MS4A6A: variants seen among roughly 807,000 people sequenced by gnomAD.
MS4A6A encodes the protein membrane-spanning 4-domains subfamily A member 6A.
In MS4A6A, 19 loss-of-function variants were observed where a neutral mutation model predicts 20.6. That is an observed-to-expected ratio of 0.92 (90% CI 0.64 to 1.36). The LOEUF is 1.36. Among genes scored for constraint, MS4A6A ranks in the 40% most tolerant of loss-of-function variants. MS4A6A has a pLI of 0.00. For synonymous variants in MS4A6A, 108 were observed against 105.0 expected (o/e 1.03, Z -0.17); for missense variants, 272 against 261.1 (o/e 1.04, Z -0.29).
downstream of MS4A6A, chr11:60,172,291 A>T (rs775617983): frequency 6.8e-5 from 110 of 1,606,110 alleles, no homozygotes; most frequent in Non-Finnish European, 8.7e-5. Flanking sequence ...TCAGACTTCA[A>T]TCAGGTTCAA....
intron 4 of MS4A6A, 146 bp downstream of exon 4, chr11:60,178,114 T>A: frequency 1.4e-6 from 1 of 713,128 alleles, no homozygotes; most frequent in South Asian, 1.6e-5. Flanking sequence ...ATACAGAGGA[T>A]CCAGGCCCAG....
At chr11:60,184,371 G>T (rs975149915), upstream of MS4A6A, 1 of 152,218 alleles carries the variant, frequency 6.6e-6, no homozygotes, top group Non-Finnish European at 1.5e-5. Context: ...TGTGTTTCCA[G>T]TGGGTGCCCT....
Position 60,179,794 on chromosome 11 carries a change from T to A in MS4A6A, c.282+37A>T, listed in dbSNP as rs756638678. The A allele has an allele frequency of 3.5e-5, 56 of 1,613,426 alleles. No individual in the cohort carries two copies. In the African/African-American group the frequency reaches 6.9e-4, roughly 20 times the overall value. ...AAGCTATTGGCATCTTCCTCCCCTC[T>A]TTGCCCCATCCTGCCCTCCTCAGAA... On this transcript the variant is annotated intron_variant, in intron 3 of 5. Coordinates refer to ENST00000528851, the MANE Select transcript of MS4A6A (RefSeq NM_022349.4).
At chr11:60,178,942 C>G in intron 3 of MS4A6A, 1 of 358,692 alleles carries the variant, frequency 2.8e-6, no homozygotes, top group Non-Finnish European at 5.3e-6. Context: ...AAATCTTAGA[C>G]AGCCTAGAGG....
chr11:60,173,215 A>C (rs1290922726), intron 5 of MS4A6A, 86 bp from the exon 6 acceptor site: 1 of 1,111,154 alleles, frequency 9.0e-7, no homozygotes, highest in Non-Finnish European at 1.4e-6. Flanking sequence ...AGAGATGAAG[A>C]CCACCTCAAC....
intron 1 of MS4A6A, chr11:60,182,467 A>G (rs980932024): frequency 6.6e-6 from 1 of 152,224 alleles, no homozygotes; most frequent in Non-Finnish European, 1.5e-5. Context: ...ATAAATCTCT[A>G]GATCATTCTA....
intron 5 of MS4A6A, among the ~76,000 whole-genome samples, chr11:60,173,812 CA>C (rs1474034333): frequency 6.6e-6 from 1 of 152,024 alleles, no homozygotes; most frequent in African/African-American, 2.4e-5. Flanking sequence ...TAATCACCAA[CA>C]CCAACTCACA....
upstream of MS4A6A, chr11:60,184,000 C>CA (rs1229677105): frequency 1.6e-4 from 24 of 152,350 alleles, no homozygotes; most frequent in African/African-American, 5.1e-4. Flanking sequence ...AGGGCAATGG[C>CA]AAAGCCCCAC....
chr11:60,179,900 G>T lies in MS4A6A; in HGVS notation c.213C>A (p.Phe71Leu). 2 of 1,614,044 alleles carry T rather than the reference G, an allele frequency of 1.2e-6. No homozygotes were observed. Among genetic ancestry groups the T allele is most frequent in the Non-Finnish European group, 1.7e-6 (2 of 1,179,970 alleles). ...AAGTCACTTGGGTAAAATTTGGAGA[G>T]AAGGAAGCAGATGCCAAAATGATCC... ...SLGIILASAS[F>L]SPNFTQVTST... Residue 71 changes from phenylalanine to leucine, a missense_variant, in exon 3 of 6, where the codon TTC becomes TTA. Phe to Leu is a conservative substitution (Grantham distance 22, BLOSUM62 0). Transcript: ENST00000528851.
In MS4A6A at chr11:60,173,615, T is replaced by C. The variant is rs940788836; in HGVS notation, c.550-486A>G. On this transcript the variant is annotated intron_variant, in intron 5 of 5. Coordinates refer to ENST00000528851, the MANE Select transcript of MS4A6A (RefSeq NM_022349.4). ...CAGAAATTTGTAAGGATCAAGGAGG[T>C]TTTGACTGTGCAAGTCCTTTGTAAA... Among the ~76,000 whole-genome samples, 4 of 152,228 alleles carry C rather than the reference T, an allele frequency of 2.6e-5. No homozygotes were observed. In the East Asian group the frequency reaches 7.7e-4, roughly 29 times the overall value.
chr11:60,172,116 T>C (rs771476029), downstream of MS4A6A: 3 of 1,580,320 alleles, frequency 1.9e-6, no homozygotes, highest in East Asian at 2.3e-5. Context: ...TTCCATATTA[T>C]CATAAGAATC....
At chr11:60,180,015 A>C (rs780245885) in intron 2 of MS4A6A, 50 bp from the exon 3 acceptor site, 14 of 1,591,144 alleles carry the variant, frequency 8.8e-6, no homozygotes, top group African/African-American at 1.3e-5. Context: ...ATTTGTAAAG[A>C]CAGGGCCTTT....
intron 5 of MS4A6A, among the ~76,000 whole-genome samples, chr11:60,173,444 C>T (rs750342007): frequency 2.2e-4 from 33 of 152,202 alleles, no homozygotes; most frequent in Non-Finnish European, 3.7e-4. Flanking sequence ...AGCAGAGTGG[C>T]GTAATAACTC....
In MS4A6A at chr11:60,172,622, A is replaced by T. The variant is rs990559045; in HGVS notation, c.*379T>A. The T allele has an allele frequency of 3.2e-5, 36 of 1,137,414 alleles. No individual in the cohort carries two copies. The highest frequency in any genetic ancestry group is 3.8e-5 in the Non-Finnish European group (35 of 921,190). The allele number at this position is 1,137,414 out of a possible 1,614,324, so 70.5% of individuals were successfully genotyped here. A position where few individuals can be genotyped will look rare whatever the true frequency, so the allele number is the denominator to read the frequency against. On this transcript the variant is annotated 3_prime_UTR_variant, in exon 6 of 6. Coordinates refer to ENST00000528851, the MANE Select transcript of MS4A6A (RefSeq NM_022349.4). ...TTACGTGTGTAAATGCCCTTTACCA[A>T]GTCAATACTATTAAAGAGACTAGTG...
chr11:60,175,144 T>C (rs1235362084), intron 5 of MS4A6A, among the ~76,000 whole-genome samples: 1 of 152,208 alleles, frequency 6.6e-6, no homozygotes, highest in Non-Finnish European at 1.5e-5. Flanking sequence ...ATTGGATTAG[T>C]TTGATAATTA....
chr11:60,174,119 T>C (rs1856717664), intron 5 of MS4A6A, among the ~76,000 whole-genome samples: 1 of 152,242 alleles, frequency 6.6e-6, no homozygotes, highest in South Asian at 2.1e-4. Context: ...GTGCCAGGTA[T>C]TAATCTGTGC....
chr11:60,183,132 T>C, upstream of MS4A6A: 1 of 1,535,772 alleles, frequency 6.5e-7, no homozygotes, highest in Non-Finnish European at 8.7e-7. Flanking sequence ...GATGTGATAC[T>C]CACAGATTGT....
At chr11:60,183,123 A>T (rs1450585498), upstream of MS4A6A, 6 of 1,535,530 alleles carry the variant, frequency 3.9e-6, no homozygotes, top group Non-Finnish European at 5.2e-6. Context: ...GCTATACAGG[A>T]TGTGATACTC....
At chr11:60,181,373 C>T in intron 2 of MS4A6A, 1 of 589,206 alleles carries the variant, frequency 1.7e-6, no homozygotes, top group Non-Finnish European at 3.0e-6. Context: ...ATCAATTCCT[C>T]ATATTCAGAA....
Sources: allele counts gnomAD v4.1 joint callset (sites outside exome capture counted in the v4.1 genomes callset), GRCh38; gene constraint gnomAD v4.1.1; transcripts MANE v1.5; gene names NCBI Gene and HGNC (gene_info 2026-07-23, HGNC 2026-07-21).